ECT2: variants seen among roughly 807,000 people sequenced by gnomAD.
ECT2 encodes the protein epithelial cell transforming 2, also known as protein ECT2.
In ECT2, 61 loss-of-function variants were observed where a neutral mutation model predicts 116.9. The ratio of observed to expected loss-of-function variants is 0.52; its 90% CI spans 0.42 to 0.65. ECT2 has a LOEUF of 0.65. ECT2 is among the 30% of genes least tolerant of loss of function. The pLI, the probability that ECT2 is intolerant of heterozygous loss-of-function variation, is 0.00. For missense variants in ECT2, 937 were observed against 1,078.7 expected, an observed-to-expected ratio of 0.87 and a Z score of 1.84; for synonymous variants, 358 against 346.4, an observed-to-expected ratio of 1.03 and a Z score of -0.37.
chr3:172,785,716 T>G (rs1479124677), intron 17 of ECT2, among the ~76,000 whole-genome samples: 3 of 152,194 alleles, frequency 2.0e-5, no homozygotes, highest in Non-Finnish European at 2.9e-5. Flanking sequence ...ACAATTTTTT[T>G]GTTTTTTAGA....
At chr3:172,808,987 A>G (rs1728254799) in intron 22 of ECT2, among the ~76,000 whole-genome samples, 1 of 152,166 alleles carries the variant, frequency 6.6e-6, no homozygotes, top group Admixed American at 6.6e-5. Context: ...AGGGAAATAC[A>G]ATGCTAACAA....
intron 22 of ECT2, among the ~76,000 whole-genome samples, chr3:172,809,451 A>T (rs1728359832): frequency 1.3e-5 from 2 of 152,092 alleles, no homozygotes. Flanking sequence ...ATACGTTTGT[A>T]AATTCAGGTA....
At chr3:172,802,094 GTTTTGT>G (rs370602646) in intron 18 of ECT2, among the ~76,000 whole-genome samples, 3,298 of 151,564 alleles carry the variant, frequency 0.022, 110 homozygotes, top group African/African-American at 0.074. Flanking sequence ...GTCTATGGAT[GTTTTGT>G]TTTTGTTTTT....
chr3:172,811,818 G>A (rs769846481), intron 22 of ECT2, among the ~76,000 whole-genome samples: 7 of 152,076 alleles, frequency 4.6e-5, no homozygotes, highest in Non-Finnish European at 8.8e-5. Flanking sequence ...TTAAATTGAA[G>A]GATAATATTT....
chr3:172,790,293 C>A (rs936671384), intron 18 of ECT2, among the ~76,000 whole-genome samples: 2 of 152,166 alleles, frequency 1.3e-5, no homozygotes, highest in Non-Finnish European at 2.9e-5. Context: ...GGCTGATGCC[C>A]TCTAATGATA....
At position 172,768,941 on chromosome 3, in the gene ECT2, A is replaced by G. The variant is rs929732500; in HGVS notation, c.1292-66A>G. 4.2e-6 allele frequency: 6 copies of G among 1,417,252 alleles called. No homozygotes were observed. In the African/African-American group the frequency reaches 5.8e-5, roughly 14 times the overall value. The allele number at this position is 1,417,252 out of a possible 1,614,324, so 87.8% of individuals were successfully genotyped here. A position where few individuals can be genotyped will look rare whatever the true frequency, so the allele number is the denominator to read the frequency against. On this transcript the variant is annotated intron_variant, in intron 12 of 24. Transcript: ENST00000392692. ...GTTTTCTCTCCTTTTTATCTTGTTA[A>G]GTCTACATAATGTTTGGTATTTATA...
At chr3:172,790,975 C>G (rs1420555859) in intron 18 of ECT2, among the ~76,000 whole-genome samples, 2 of 152,126 alleles carry the variant, frequency 1.3e-5, no homozygotes, top group Admixed American at 1.3e-4. Context: ...ACCAACATGG[C>G]AAAACCCCAT....
At chr3:172,818,433 A>G in intron 24 of ECT2, 1 of 580,504 alleles carries the variant, frequency 1.7e-6, no homozygotes, top group Non-Finnish European at 2.2e-6. Flanking sequence ...AAATTTTAGA[A>G]AATTAATTTA....
chr3:172,827,707 G>A, the ECT2 span, among the ~76,000 whole-genome samples: 1 of 152,166 alleles, frequency 6.6e-6, no homozygotes, highest in East Asian at 1.9e-4. Context: ...AAGATGTATT[G>A]TTCAGCAGCA....
chr3:172,829,251 A>C, the ECT2 span: 1 of 278,018 alleles, frequency 3.6e-6, no homozygotes, highest in South Asian at 4.2e-5. Flanking sequence ...AAAGAAATAA[A>C]ATCTCTTCTT....
chr3:172,812,493 G>A (rs1457166805), intron 22 of ECT2, among the ~76,000 whole-genome samples: 1 of 150,904 alleles, frequency 6.6e-6, no homozygotes, highest in Non-Finnish European at 1.5e-5. Context: ...TCAGCTTTCA[G>A]TTGAAAAAAA....
At chr3:172,824,693 ATCAC>A (rs775744489), downstream of ECT2, among the ~76,000 whole-genome samples, 31 of 152,300 alleles carry the variant, frequency 2.0e-4, no homozygotes, top group Non-Finnish European at 4.4e-4. Flanking sequence ...TATTCTGGAA[ATCAC>A]TCTATATCTG....
intron 18 of ECT2, among the ~76,000 whole-genome samples, chr3:172,792,042 A>G (rs1420618688): frequency 6.6e-6 from 1 of 152,144 alleles, no homozygotes; most frequent in Non-Finnish European, 1.5e-5. Context: ...AGAGAGAGCG[A>G]TAGGGGAATG....
chr3:172,765,054 T>G (rs1018028210), intron 12 of ECT2, among the ~76,000 whole-genome samples: 4 of 152,210 alleles, frequency 2.6e-5, no homozygotes, highest in African/African-American at 9.6e-5. Flanking sequence ...CTCATGACAC[T>G]TTTCACTTAT....
chr3:172,824,588 A>G (rs1441303124), downstream of ECT2, among the ~76,000 whole-genome samples: 2 of 152,220 alleles, frequency 1.3e-5, no homozygotes, highest in African/African-American at 4.8e-5. Flanking sequence ...TCCAAACCAT[A>G]TCAATATGCA....
At chr3:172,808,392 C>T (rs934516580) in intron 22 of ECT2, among the ~76,000 whole-genome samples, 1 of 150,432 alleles carries the variant, frequency 6.6e-6, no homozygotes, top group Non-Finnish European at 1.5e-5. Flanking sequence ...AAAAAAAAAT[C>T]TTATTGAAAG....
At chr3:172,818,417 T>C (rs1219271581) in intron 24 of ECT2, 1 of 478,378 alleles carries the variant, frequency 2.1e-6, no homozygotes, top group Non-Finnish European at 2.8e-6. Context: ...AAATGAATTT[T>C]ATAGAAAATT....
intron 6 of ECT2, 47 bp downstream of exon 6, chr3:172,759,116 A>T (rs772731081): frequency 3.6e-6 from 5 of 1,370,214 alleles, no homozygotes; most frequent in Non-Finnish European, 5.0e-6. Flanking sequence ...ACAGCAAAAT[A>T]AATTAAAATT....
rs186464698 is a variant in ECT2 at position 172,796,334 on chromosome 3, G to A, written c.1908-6282G>A. 2.0e-5 allele frequency: 3 copies of A among 152,300 alleles called. No homozygotes were observed. In the East Asian group the frequency reaches 5.8e-4, roughly 29 times the overall value. 9.4% of individuals were successfully genotyped at this position (152,300 alleles called of 1,614,324 possible). A position where few individuals can be genotyped will look rare whatever the true frequency, so the allele number is the denominator to read the frequency against. On this transcript the variant is annotated intron_variant, in intron 18 of 24. Transcript: ENST00000392692. Reference sequence around the variant, plus strand: ...AAAATTAAACATTGGTGTCAGGAGTGCATTGATTGATATAGGACCAAAGTC... The same window carrying A: ...AAAATTAAACATTGGTGTCAGGAGTACATTGATTGATATAGGACCAAAGTC...
Sources: gnomAD v4.1 joint callset for allele counts (sites outside exome capture counted in the v4.1 genomes callset) on GRCh38, gnomAD v4.1.1 for gene constraint, MANE v1.5 for transcripts, NCBI Gene and HGNC (gene_info 2026-07-23, HGNC 2026-07-21) for gene names.